PPP3CA: variants seen among roughly 807,000 people sequenced by gnomAD.
PPP3CA encodes CAM-PRP catalytic subunit.
A neutral mutation model predicts 66.5 loss-of-function variants in PPP3CA; 14 were observed. The ratio of observed to expected loss-of-function variants is 0.21; its 90% confidence interval spans 0.14 to 0.33. PPP3CA has a LOEUF of 0.33. Among genes scored for constraint, PPP3CA ranks in the 10% least tolerant of loss-of-function variants. The pLI is 1.00. For missense variants in PPP3CA, 317 were observed against 639.5 expected, an observed-to-expected ratio of 0.50 and a Z score of 5.44; for synonymous variants, 232 against 226.2, an observed-to-expected ratio of 1.03 and a Z score of -0.23.
intron 9 of PPP3CA, among the ~76,000 whole-genome samples, chr4:101,062,493 C>T (rs1728508356): frequency 2.0e-5 from 3 of 151,988 alleles, no homozygotes; most frequent in Admixed American, 2.0e-4. Context: ...TTCACCTTCT[C>T]ATGGAAAGTA....
At chr4:101,221,301 G>A (rs1725616724) in intron 1 of PPP3CA, among the ~76,000 whole-genome samples, 2 of 151,704 alleles carry the variant, frequency 1.3e-5, no homozygotes, top group South Asian at 4.1e-4. Flanking sequence ...GAAATATATA[G>A]TTGCCTCTGT....
At chr4:101,298,948 T>A (rs1258633847) in intron 1 of PPP3CA, among the ~76,000 whole-genome samples, 3 of 151,534 alleles carry the variant, frequency 2.0e-5, no homozygotes, top group African/African-American at 7.3e-5. Flanking sequence ...TTGGGCAATT[T>A]TGTCATTGTG....
chr4:101,063,158 TTC>T, intron 9 of PPP3CA, 72 bp downstream of exon 9: 1 of 1,520,672 alleles, frequency 6.6e-7, no homozygotes, highest in Non-Finnish European at 8.9e-7. Context: ...GTTCTTCTCT[TTC>T]TGAGTGTTTA....
chr4:101,038,742 T>C (rs548297229), intron 11 of PPP3CA, among the ~76,000 whole-genome samples: 9 of 152,348 alleles, frequency 5.9e-5, no homozygotes, highest in Non-Finnish European at 1.2e-4. Flanking sequence ...CCTAATTCAG[T>C]GCATGGTATA....
chr4:101,299,856 T>A (rs1013012469), intron 1 of PPP3CA, among the ~76,000 whole-genome samples: 1 of 152,178 alleles, frequency 6.6e-6, no homozygotes, highest in Non-Finnish European at 1.5e-5. Context: ...CCCTATATCA[T>A]CAAGGACCAG....
chr4:101,229,781 G>A (rs565587194), intron 1 of PPP3CA, among the ~76,000 whole-genome samples: 1 of 151,752 alleles, frequency 6.6e-6, no homozygotes, highest in South Asian at 2.1e-4. Context: ...AGGGCAGTAG[G>A]AATGGGGAGA....
At chr4:101,172,203 G>C (rs576833101) in intron 2 of PPP3CA, among the ~76,000 whole-genome samples, 1 of 152,130 alleles carries the variant, frequency 6.6e-6, no homozygotes, top group Admixed American at 6.6e-5. Flanking sequence ...CTCAACATGA[G>C]TATGTCTAGA....
rs2110254760 is a variant in PPP3CA, at chr4:101,099,645, T to C, written c.462A>G (p.Arg154=). 6.9e-6 allele frequency: 11 copies of C among 1,594,864 alleles called. No homozygotes were observed. Among genetic ancestry groups the C allele is most frequent in the Admixed American group, 1.7e-5 (1 of 58,096 alleles). ...LFLLRGNHEC[R]HLTEYFTFKQ... ...TAAATGTGAAATACTCTGTTAGATG[T>C]CTACATTCATGATTTCCACGAAGTA... The change falls in exon 4 of 14, where the codon AGA becomes AGG. Residue 154 remains arginine, a synonymous_variant. Coordinates refer to ENST00000394854, the MANE Select transcript of PPP3CA (RefSeq NM_000944.5).
chr4:101,211,334 G>T (rs1275094293), intron 1 of PPP3CA, among the ~76,000 whole-genome samples: 1 of 152,032 alleles, frequency 6.6e-6, no homozygotes, highest in African/African-American at 2.4e-5. Context: ...TTACTTTTGA[G>T]TTCACTATTC....
intron 2 of PPP3CA, among the ~76,000 whole-genome samples, chr4:101,111,091 T>A (rs1676905365): frequency 6.6e-6 from 1 of 152,192 alleles, no homozygotes; most frequent in African/African-American, 2.4e-5. Flanking sequence ...TACCTATGTA[T>A]CTATTGAAAT....
intron 2 of PPP3CA, among the ~76,000 whole-genome samples, chr4:101,137,767 C>T (rs557856885): frequency 2.0e-4 from 30 of 152,050 alleles, no homozygotes; most frequent in African/African-American, 6.5e-4. Context: ...CTCCTCTCAA[C>T]GTTTTCTCCT....
intron 1 of PPP3CA, among the ~76,000 whole-genome samples, chr4:101,301,345 CTG>C (rs1299847915): frequency 1.3e-5 from 2 of 150,516 alleles, no homozygotes; most frequent in Admixed American, 6.6e-5. Context: ...CCAATGAAAT[CTG>C]TGTTATGAAT....
In PPP3CA at chr4:101,258,559, G is replaced by A. The variant is rs1040637301; in HGVS notation, c.59-62443C>T. ...ATCTCTGCTTTGATAAGAAATGTGT[G>A]ACTTTAACACAAAACCATAATCCTC... On this transcript the variant is annotated intron_variant, in intron 1 of 13. Transcript: ENST00000394854. Among the ~76,000 whole-genome samples, 4 of 152,052 alleles carry A rather than the reference G, an allele frequency of 2.6e-5. No homozygotes were observed. In the East Asian group the frequency reaches 7.7e-4, roughly 29 times the overall value.
At chr4:101,116,022 C>T (rs1721827839) in intron 2 of PPP3CA, among the ~76,000 whole-genome samples, 2 of 151,966 alleles carry the variant, frequency 1.3e-5, no homozygotes, top group South Asian at 4.1e-4. Context: ...AAGACTGTGT[C>T]AATACTACGA....
Position 101,203,426 on chromosome 4 carries a change from C to T in PPP3CA, c.59-7310G>A, listed in dbSNP as rs143241684. Among the ~76,000 whole-genome samples the T allele has an allele frequency of 2.0e-3, 303 of 152,136 alleles. 3 individuals are homozygous for T. The highest frequency in any genetic ancestry group is 0.012 in the East Asian group (62 of 5,168). ...AGGAGAACCACCTGAACCCGGGAGG[C>T]GGAGGCTGCAGTGAGCCGAGTTCAC... On this transcript the variant is annotated intron_variant, in intron 1 of 13. Transcript: ENST00000394854.
intron 1 of PPP3CA, among the ~76,000 whole-genome samples, chr4:101,201,975 C>A (rs937032447): frequency 2.0e-5 from 3 of 152,132 alleles, no homozygotes; most frequent in African/African-American, 7.2e-5. Flanking sequence ...CAAACATAAG[C>A]CAACCCAAGC....
At chr4:101,027,806 C>T (rs1726730104) in intron 13 of PPP3CA, among the ~76,000 whole-genome samples, 1 of 152,072 alleles carries the variant, frequency 6.6e-6, no homozygotes, top group Non-Finnish European at 1.5e-5. Flanking sequence ...ACAATGGATA[C>T]TTCTGGAATG....
Position 101,306,057 on chromosome 4 carries a change from C to T in PPP3CA, c.58+40682G>A, listed in dbSNP as rs544134628. Among the ~76,000 whole-genome samples the T allele has an allele frequency of 9.2e-5, 14 of 152,050 alleles. No homozygotes were observed. In the Middle Eastern group the frequency reaches 0.01, roughly 111 times the overall value. On this transcript the variant is annotated intron_variant, in intron 1 of 13. Coordinates refer to ENST00000394854, the MANE Select transcript of PPP3CA (RefSeq NM_000944.5). ...TCCTAAAATGGAGAATGTACTTCAC[C>T]TTCATTAGGTGATGAGGCAGTCCAC...
intron 2 of PPP3CA, among the ~76,000 whole-genome samples, chr4:101,136,220 T>C (rs1387905845): frequency 6.6e-6 from 1 of 152,186 alleles, no homozygotes; most frequent in East Asian, 1.9e-4. Context: ...TTCACATCAG[T>C]ATCATTCATG....
Sources: allele counts gnomAD v4.1 joint callset (sites outside exome capture counted in the v4.1 genomes callset), GRCh38; gene constraint gnomAD v4.1.1; transcripts MANE v1.5; gene names NCBI Gene and HGNC (gene_info 2026-07-23, HGNC 2026-07-21).